The following EPHA6 variants were observed in gnomAD, a reference collection of about 807,000 sequenced individuals.
The protein encoded by EPHA6 is ephrin type-A receptor 6.
In EPHA6, 50 loss-of-function variants were observed where a neutral mutation model predicts 112.0. The ratio of observed to expected loss-of-function variants is 0.45; its 90% CI spans 0.36 to 0.56. The LOEUF is 0.56. Ranked by LOEUF, EPHA6 falls within the 20% of genes least tolerant of loss-of-function variation. The pLI is 0.00. For synonymous variants in EPHA6, 529 were observed against 490.7 expected (o/e 1.08, Z -1.03); for missense variants, 1,280 against 1,417.4 (o/e 0.90, Z 1.56).
At chr3:97,509,204 A>G (rs1363582625) in intron 10 of EPHA6, among the ~76,000 whole-genome samples, 56 of 151,652 alleles carry the variant, frequency 3.7e-4, no homozygotes, top group Admixed American at 3.7e-3. Context: ...TAATATTGCT[A>G]TGCGTGAATT....
At chr3:96,963,290 G>A (rs2107758132) in intron 2 of EPHA6, among the ~76,000 whole-genome samples, 1 of 152,110 alleles carries the variant, frequency 6.6e-6, no homozygotes, top group East Asian at 1.9e-4. Context: ...GTAATAATGC[G>A]TTAGTTTGTC....
At chr3:96,910,021 G>A (rs558916690) in intron 2 of EPHA6, among the ~76,000 whole-genome samples, 76 of 151,978 alleles carry the variant, frequency 5.0e-4, no homozygotes, top group African/African-American at 1.8e-3. Flanking sequence ...TAATTACTGA[G>A]GATGCCCATT....
At chr3:97,712,154 A>G (rs2033999985) in intron 14 of EPHA6, among the ~76,000 whole-genome samples, 1 of 152,218 alleles carries the variant, frequency 6.6e-6, no homozygotes, top group African/African-American at 2.4e-5. Context: ...TTTAAAAATA[A>G]AATCCATTAC....
rs145657442 is a variant in EPHA6 at position 97,518,319 on chromosome 3, T to G, written c.2201-14039T>G. Among the ~76,000 whole-genome samples the G allele has an allele frequency of 7.6e-3, 1,153 of 152,270 alleles. 19 individuals carry two copies. Among genetic ancestry groups the G allele is most frequent in the African/African-American group, 0.026 (1,067 of 41,562 alleles). On this transcript the variant is annotated intron_variant, in intron 10 of 17. Coordinates refer to ENST00000389672, the MANE Select transcript of EPHA6 (RefSeq NM_001080448.3). ...ATCTCCGTGTGGTTTTAAATTGCAT[T>G]TTCCTGATAATTAGTTATAGTGAGC...
intron 3 of EPHA6, among the ~76,000 whole-genome samples, chr3:97,096,268 T>C (rs529673109): frequency 1.0e-3 from 149 of 142,986 alleles, no homozygotes; most frequent in African/African-American, 4.0e-3. Flanking sequence ...TACACACACA[T>C]ACACACCCAC....
At chr3:96,938,508 G>T (rs1038606269) in intron 2 of EPHA6, among the ~76,000 whole-genome samples, 2 of 152,150 alleles carry the variant, frequency 1.3e-5, no homozygotes, top group African/African-American at 4.8e-5. Context: ...GAGATTTTGT[G>T]CTGAGACAAT....
At chr3:96,953,338 T>C (rs1026783057) in intron 2 of EPHA6, among the ~76,000 whole-genome samples, 2 of 152,206 alleles carry the variant, frequency 1.3e-5, no homozygotes, top group Non-Finnish European at 2.9e-5. Flanking sequence ...GGCAAGTCAA[T>C]TGCCAGAATT....
chr3:97,273,779 C>G (rs557855480), intron 5 of EPHA6, among the ~76,000 whole-genome samples: 1 of 152,188 alleles, frequency 6.6e-6, no homozygotes, highest in African/African-American at 2.4e-5. Context: ...GGTGGGAAGG[C>G]CAAACCAAGG....
chr3:97,421,965 C>G (rs1262499782), intron 6 of EPHA6, among the ~76,000 whole-genome samples: 2 of 151,440 alleles, frequency 1.3e-5, no homozygotes, highest in Non-Finnish European at 2.9e-5. Context: ...AATTTAAATC[C>G]AAGTGTTCTA....
At chr3:96,926,985 A>G (rs1392696384) in intron 2 of EPHA6, among the ~76,000 whole-genome samples, 1 of 152,228 alleles carries the variant, frequency 6.6e-6, no homozygotes, top group Non-Finnish European at 1.5e-5. Flanking sequence ...CTACCCTAGC[A>G]AAGGTTCTCC....
At chr3:97,457,855 A>G (rs984120739) in intron 7 of EPHA6, among the ~76,000 whole-genome samples, 1 of 151,978 alleles carries the variant, frequency 6.6e-6, no homozygotes, top group Non-Finnish European at 1.5e-5. Flanking sequence ...TCACGAGGTC[A>G]GGAGATCGAG....
intron 5 of EPHA6, among the ~76,000 whole-genome samples, chr3:97,313,894 A>G (rs917923351): frequency 2.6e-5 from 4 of 151,510 alleles, no homozygotes; most frequent in Non-Finnish European, 5.9e-5. Flanking sequence ...ATGAAATCCA[A>G]CTTGCCTATT....
chr3:96,820,275 G>T (rs1308665401), intron 1 of EPHA6, among the ~76,000 whole-genome samples: 1 of 152,018 alleles, frequency 6.6e-6, no homozygotes, highest in Non-Finnish European at 1.5e-5. Flanking sequence ...GATAAAGCAT[G>T]AATCTATAGG....
intron 2 of EPHA6, 26 bp downstream of exon 2, chr3:96,866,915 C>T: frequency 7.3e-7 from 1 of 1,362,016 alleles, no homozygotes; most frequent in Non-Finnish European, 9.8e-7. Flanking sequence ...TGAAAAATTG[C>T]TGTCTTTTTT....
chr3:96,972,205 C>G (rs996695708), intron 2 of EPHA6, among the ~76,000 whole-genome samples: 1 of 151,866 alleles, frequency 6.6e-6, no homozygotes, highest in Non-Finnish European at 1.5e-5. Flanking sequence ...TATATATTTA[C>G]TATAAATACA....
At chr3:97,496,817 A>C (rs933857084) in intron 10 of EPHA6, among the ~76,000 whole-genome samples, 6 of 152,250 alleles carry the variant, frequency 3.9e-5, no homozygotes, top group African/African-American at 1.4e-4. Flanking sequence ...ACACACACAA[A>C]AAAAAAACCA....
Position 97,494,622 on chromosome 3 carries a change from T to G in EPHA6, c.2200+10563T>G, listed in dbSNP as rs1265848459. ...TTTATCAGAACACCACCAATGAAAG[T>G]GTTCACTACCTCCAAGATAGCCCAT... On this transcript the variant is annotated intron_variant, in intron 10 of 17. Transcript: ENST00000389672. Among the ~76,000 whole-genome samples, 4 of 152,192 alleles carry G rather than the reference T, an allele frequency of 2.6e-5. No individual in the cohort carries two copies. In the East Asian group the frequency reaches 7.7e-4, roughly 29 times the overall value.
intron 2 of EPHA6, among the ~76,000 whole-genome samples, chr3:96,978,568 C>A (rs1238808346): frequency 6.6e-6 from 1 of 151,956 alleles, no homozygotes; most frequent in African/African-American, 2.4e-5. Context: ...ATATTACTTT[C>A]TATATTCTTG....
intron 3 of EPHA6, among the ~76,000 whole-genome samples, chr3:97,221,307 TC>T (rs1482852277): frequency 3.7e-5 from 1 of 26,682 alleles, no homozygotes; most frequent in East Asian, 1.2e-3. Flanking sequence ...AGACTCTGTC[TC>T]AAAAAAAAAA....
Sources: allele counts gnomAD v4.1 joint callset (sites outside exome capture counted in the v4.1 genomes callset), GRCh38; gene constraint gnomAD v4.1.1; transcripts MANE v1.5; gene names NCBI Gene and HGNC (gene_info 2026-07-23, HGNC 2026-07-21).